OLFML2B: variants seen among roughly 807,000 people sequenced by gnomAD.
The protein encoded by OLFML2B is olfactomedin-like protein 2B.
Under a neutral mutation model 74.9 loss-of-function variants are expected in OLFML2B, and 57 were observed. That is an observed-to-expected ratio of 0.76 (90% CI 0.61 to 0.95). The LOEUF (loss-of-function observed/expected upper bound fraction) is 0.95, where lower values mean the gene tolerates loss of function less well. Ranked by LOEUF, OLFML2B falls within the 40% of genes least tolerant of loss-of-function variation. The probability of loss-of-function intolerance (pLI) is 0.00; values close to 1 mark genes in which losing one functional copy is unlikely to be tolerated. For synonymous variants in OLFML2B, 388 were observed against 405.8 expected (o/e 0.96, Z 0.53); for missense variants, 986 against 970.6 (o/e 1.02, Z -0.21).
chr1:161,993,585 C>T (rs16835845), intron 6 of OLFML2B, among the ~76,000 whole-genome samples: 8,486 of 152,252 alleles, frequency 0.056, 407 homozygotes, highest in East Asian at 0.14. Flanking sequence ...CTTTTAGCAT[C>T]GAGTCCCTAC....
intron 4 of OLFML2B, among the ~76,000 whole-genome samples, chr1:162,001,295 T>C (rs1447991733): frequency 1.3e-5 from 2 of 152,126 alleles, no homozygotes; most frequent in Non-Finnish European, 2.9e-5. Flanking sequence ...GAAGACCTGG[T>C]TTTACGGGAG....
intron 3 of OLFML2B, among the ~76,000 whole-genome samples, chr1:162,015,954 C>T (rs4381160): frequency 0.69 from 105,211 of 152,078 alleles, 38,168 homozygotes; most frequent in Admixed American, 0.8. Context: ...GATTAAGGAC[C>T]TACCAACCCT....
Position 161,983,731 on chromosome 1 carries a change from G to A in OLFML2B, c.2197C>T (p.Leu733Phe). 6.2e-7 allele frequency: 1 copy of A among 1,613,922 alleles called. No homozygotes were observed. ...QIDYNPKDRLLYAWDNGHQVT... is the reference protein window; with the variant it reads ...QIDYNPKDRLFYAWDNGHQVT... ...TGGTGGCCATTGTCCCAGGCATAGA[G>A]CAGGCGGTCCTTGGGGTTGTAGTCT... Residue 733 changes from leucine (L) to phenylalanine (F), a missense_variant, in exon 8 of 8, where the codon CTC becomes TTC. Transcript: ENST00000294794.
Position 162,023,404 on chromosome 1 carries a change from G to C in OLFML2B, c.27C>G (p.Leu9=). The C allele has an allele frequency of 6.3e-7, 1 of 1,581,274 alleles. No homozygotes were observed. Among genetic ancestry groups the C allele is most frequent in the Non-Finnish European group, 8.6e-7 (1 of 1,160,840 alleles). ...CCGGAACCACAATCAGAGCGAAGTAGAGAACTAGCAGCCGAGGCTTGGCCA... is the reference window on the plus strand; with the variant it reads ...CCGGAACCACAATCAGAGCGAAGTACAGAACTAGCAGCCGAGGCTTGGCCA... MAKPRLLV[L]YFALIVVPAW... The change falls in exon 1 of 8, where the codon CTC becomes CTG. Residue 9 remains leucine, a synonymous_variant. Coordinates refer to ENST00000294794, the MANE Select transcript of OLFML2B (RefSeq NM_015441.3).
intron 4 of OLFML2B, among the ~76,000 whole-genome samples, chr1:162,001,829 G>T (rs188787926): frequency 7.2e-5 from 11 of 152,294 alleles, no homozygotes; most frequent in Admixed American, 5.9e-4. Context: ...TTGAATTTCT[G>T]AATCATAACA....
chr1:162,020,064 C>T lies in OLFML2B; in HGVS notation c.293G>A (p.Arg98Lys). 1 of 1,614,180 alleles carries T rather than the reference C, an allele frequency of 6.2e-7. No homozygotes were observed. Among genetic ancestry groups the T allele is most frequent in the Non-Finnish European group, 8.5e-7 (1 of 1,180,030 alleles). The change falls in exon 2 of 8, where the codon AGG becomes AAG. Residue 98 changes from arginine (R) to lysine (K), a missense_variant. Physicochemically the swap from Arg to Lys is conservative, Grantham distance 26. Coordinates refer to ENST00000294794, the MANE Select transcript of OLFML2B (RefSeq NM_015441.3). The stretch of plus-strand genomic sequence containing the variant: ...TTCCACGGTATAGAAGTCTTCCTTC[C>T]TGGAGGCCCCCGCATTGATCCTCTG... ...ACQRINAGAS[R>K]KEDFYTVETI...
chr1:162,005,041 A>G (rs1170982873), intron 4 of OLFML2B, among the ~76,000 whole-genome samples: 1 of 152,250 alleles, frequency 6.6e-6, no homozygotes, highest in Non-Finnish European at 1.5e-5. Flanking sequence ...GTGTCTTGCT[A>G]ATAGGACTCT....
intron 6 of OLFML2B, among the ~76,000 whole-genome samples, chr1:161,989,856 A>G (rs1267499756): frequency 1.3e-5 from 2 of 152,230 alleles, no homozygotes; most frequent in Non-Finnish European, 2.9e-5. Context: ...CAAAGTGAGC[A>G]CAAGGTAGGT....
At chr1:162,021,275 A>G (rs941817484) in intron 1 of OLFML2B, among the ~76,000 whole-genome samples, 6 of 152,262 alleles carry the variant, frequency 3.9e-5, no homozygotes, top group African/African-American at 1.4e-4. Flanking sequence ...GGCCAAACCC[A>G]GGAAAGCAAA....
In OLFML2B at chr1:162,005,310, C is replaced by T. The variant is rs4657133; in HGVS notation, c.723+987G>A. 1.6e-3 allele frequency among the ~76,000 whole-genome samples: 239 copies of T among 152,298 alleles called. 2 individuals are homozygous for T. The highest frequency in any genetic ancestry group is 7.3e-3 in the Admixed American group (112 of 15,296). ...GCAGCAATCCATTCATGGGTAACTT[C>T]GTGCTAGGGACACAACTGGGTAGGA... is the stretch of plus-strand genomic sequence containing the variant. On this transcript the variant is annotated intron_variant, in intron 4 of 7. Coordinates refer to ENST00000294794, the MANE Select transcript of OLFML2B (RefSeq NM_015441.3).
At chr1:161,992,308 AGGGAATTTT>A (rs1480687058) in intron 6 of OLFML2B, among the ~76,000 whole-genome samples, 1 of 152,248 alleles carries the variant, frequency 6.6e-6, no homozygotes, top group Non-Finnish European at 1.5e-5. Flanking sequence ...GCTCTGGATT[AGGGAATTTT>A]GCTTAAGGGA....
rs535294575 is a variant in OLFML2B, at chr1:161,984,026, C to T, written c.1902G>A (p.Pro634=). ...VDENGLWLIY[P]ALDDEGFSQE... is the part of the protein sequence containing the mutation. The stretch of plus-strand genomic sequence containing the variant: ...GGCTGAAGCCCTCATCGTCCAGGGC[C>T]GGGTAGATGAGCCATAGGCCATTCT... Residue 634 remains proline (P), a synonymous_variant, in exon 8 of 8, where the codon CCG becomes CCA. Coordinates refer to ENST00000294794, the MANE Select transcript of OLFML2B (RefSeq NM_015441.3). 84 of 1,614,178 alleles carry T rather than the reference C, an allele frequency of 5.2e-5. No individual in the cohort carries two copies. Among genetic ancestry groups the T allele is most frequent in the South Asian group, 1.8e-4 (16 of 91,080 alleles).
At position 161,993,076 on chromosome 1, in the gene OLFML2B, GGAGA is replaced by G. The variant is rs149502325; in HGVS notation, c.1474+4745_1474+4748del. On this transcript the variant is annotated intron_variant, in intron 6 of 7. Transcript: ENST00000294794. ...GAACAGCAAATAAAAAACACCATAA[GGAGA>G]GAGAGACAGAGAGAGAGGCACATAC... 1.4e-4 allele frequency among the ~76,000 whole-genome samples: 21 copies of G among 152,268 alleles called. 2 individuals are homozygous for G. In the South Asian group the frequency reaches 3.1e-3, roughly 23 times the overall value.
intron 6 of OLFML2B, among the ~76,000 whole-genome samples, chr1:161,986,837 C>T (rs540273180): frequency 1.5e-4 from 23 of 152,372 alleles, no homozygotes; most frequent in Non-Finnish European, 2.5e-4. Context: ...CCCTGTCCAG[C>T]GGCATCCCTG....
chr1:161,986,856 C>T (rs1689604944), intron 6 of OLFML2B, among the ~76,000 whole-genome samples: 1 of 152,252 alleles, frequency 6.6e-6, no homozygotes, highest in African/African-American at 2.4e-5. Context: ...TGGCTCATGC[C>T]CTCAAGCCCC....
At chr1:162,021,633 T>G (rs1690705414) in intron 1 of OLFML2B, among the ~76,000 whole-genome samples, 1 of 152,228 alleles carries the variant, frequency 6.6e-6, no homozygotes, top group Admixed American at 6.5e-5. Flanking sequence ...ATACTAATAT[T>G]TGCTTTAGGG....
In OLFML2B at chr1:161,983,471, G is replaced by T. The variant is rs1460699198; in HGVS notation, c.*204C>A. ...TTGCACAAAAATATAAACTGGGGAGGATGAGACCAGCACATACACGTATGG... is the reference window on the plus strand; with the variant it reads ...TTGCACAAAAATATAAACTGGGGAGTATGAGACCAGCACATACACGTATGG... On this transcript the variant is annotated 3_prime_UTR_variant, in exon 8 of 8. Coordinates refer to ENST00000294794, the MANE Select transcript of OLFML2B (RefSeq NM_015441.3). The T allele has an allele frequency of 4.1e-6, 2 of 492,932 alleles. No individual in the cohort carries two copies. Among genetic ancestry groups the T allele is most frequent in the Non-Finnish European group, 3.5e-6 (1 of 288,530 alleles). 30.5% of individuals were successfully genotyped at this position (492,932 alleles called of 1,614,324 possible).
chr1:162,006,224 T>C, intron 4 of OLFML2B, 73 bp downstream of exon 4: 1 of 1,403,944 alleles, frequency 7.1e-7, no homozygotes, highest in Non-Finnish European at 9.5e-7. Context: ...TGAAAAGTTC[T>C]ATGCAGAGGA....
intron 6 of OLFML2B, among the ~76,000 whole-genome samples, chr1:161,988,699 C>T (rs1365220639): frequency 6.6e-6 from 1 of 151,984 alleles, no homozygotes; most frequent in African/African-American, 2.4e-5. Flanking sequence ...TCAAATGCCA[C>T]CCTCTGGAGT....
Sources: gnomAD v4.1 joint callset for allele counts (sites outside exome capture counted in the v4.1 genomes callset) on GRCh38, gnomAD v4.1.1 for gene constraint, MANE v1.5 for transcripts, NCBI Gene and HGNC (gene_info 2026-07-23, HGNC 2026-07-21) for gene names.